RHEX: variants seen among roughly 807,000 people sequenced by gnomAD.
The protein encoded by RHEX is regulator of hemoglobinization and erythroid cell expansion.
A neutral mutation model predicts 20.1 loss-of-function variants in RHEX; 18 were observed. That is an observed-to-expected ratio of 0.90 (90% CI 0.62 to 1.33). RHEX has a LOEUF of 1.33. Ranked by LOEUF, RHEX falls within the 40% of genes most tolerant of loss-of-function variation. The probability of loss-of-function intolerance (pLI) is 0.00; values close to 1 mark genes in which losing one functional copy is unlikely to be tolerated. For synonymous variants in RHEX, 87 were observed against 77.1 expected, an observed-to-expected ratio of 1.13 and a Z score of -0.67; for missense variants, 192 against 214.3, an observed-to-expected ratio of 0.90 and a Z score of 0.65.
intron 4 of RHEX, 56 bp downstream of exon 4, chr1:206,099,854 A>G: frequency 6.4e-7 from 1 of 1,566,022 alleles, no homozygotes; most frequent in South Asian, 1.2e-5. Flanking sequence ...CTCTCTCTGG[A>G]CACCCAGGAC....
In RHEX at chr1:206,099,832, G is replaced by T. The variant is rs781900746; in HGVS notation, c.256+34G>T. 53 of 1,606,840 alleles carry T rather than the reference G, an allele frequency of 3.3e-5. No individual in the cohort carries two copies. The highest frequency in any genetic ancestry group is 4.3e-5 in the Non-Finnish European group (50 of 1,175,440). ...GGGGTTGGAGGGAGAACTTGTCTAGGGACTAACTTTGCTCTCTCTGGACAC... is the reference window on the plus strand; with the variant it reads ...GGGGTTGGAGGGAGAACTTGTCTAGTGACTAACTTTGCTCTCTCTGGACAC... On this transcript the variant is annotated intron_variant, in intron 4 of 5. Transcript: ENST00000331555.
intron 3 of RHEX, among the ~76,000 whole-genome samples, chr1:206,099,057 G>C (rs1487090957): frequency 6.6e-6 from 1 of 152,164 alleles, no homozygotes; most frequent in Non-Finnish European, 1.5e-5. Flanking sequence ...AAGGAGGAAC[G>C]TGTTAGGCAC....
intron 1 of RHEX, among the ~76,000 whole-genome samples, chr1:206,090,202 C>CTTTTTTTTTTTTTTTTTTTT (rs59499927): frequency 8.9e-6 from 1 of 112,554 alleles, no homozygotes; most frequent in Non-Finnish European, 1.8e-5. Flanking sequence ...TCTTTTCTTT[C>CTTTTTTTTTTTTTTTTTTTT]TTTTTTTTTT....
At chr1:206,086,033 T>C (rs1553286379) in intron 1 of RHEX, among the ~76,000 whole-genome samples, 1 of 152,136 alleles carries the variant, frequency 6.6e-6, no homozygotes. Flanking sequence ...GTTGTCCTTT[T>C]CCCCATGATA....
chr1:206,078,807 T>TATA (rs1291668644), intron 1 of RHEX, among the ~76,000 whole-genome samples: 1 of 152,108 alleles, frequency 6.6e-6, no homozygotes, highest in Non-Finnish European at 1.5e-5. Flanking sequence ...AACAACTGTC[T>TATA]ATAGAGTGCT....
intron 1 of RHEX, among the ~76,000 whole-genome samples, chr1:206,077,874 G>A (rs1205050819): frequency 1.2e-4 from 18 of 152,158 alleles, no homozygotes; most frequent in Admixed American, 4.6e-4. Flanking sequence ...ACTTACCTGT[G>A]AATAAGTGGA....
intron 1 of RHEX, among the ~76,000 whole-genome samples, chr1:206,086,860 A>G (rs1662850759): frequency 6.6e-6 from 1 of 151,892 alleles, no homozygotes; most frequent in Admixed American, 6.6e-5. Flanking sequence ...TTAAAAAATT[A>G]GCCAGGCATG....
Position 206,101,203 on chromosome 1 carries a change from G to C in RHEX, c.318+6G>C. The C allele has an allele frequency of 6.2e-7, 1 of 1,608,036 alleles. No homozygotes were observed. Among genetic ancestry groups the C allele is most frequent in the Non-Finnish European group, 8.5e-7 (1 of 1,176,496 alleles). On this transcript the variant is annotated splice_donor_region_variant and intron_variant, in intron 5 of 5. Transcript: ENST00000331555. ...GTTCGCCTCCTGCCTGCCAGGTAAT[G>C]GATGTGCCTAGTGATCTCAGACGAA... is the stretch of plus-strand genomic sequence containing the variant.
intron 1 of RHEX, among the ~76,000 whole-genome samples, chr1:206,076,135 A>G (rs541173823): frequency 6.6e-6 from 1 of 152,264 alleles, no homozygotes; most frequent in African/African-American, 2.4e-5. Context: ...TGCTAACAAA[A>G]AAACATGGAT....
At chr1:206,077,073 C>T (rs1161681764) in intron 1 of RHEX, among the ~76,000 whole-genome samples, 2 of 152,156 alleles carry the variant, frequency 1.3e-5, no homozygotes, top group Non-Finnish European at 2.9e-5. Context: ...ATACATGCAT[C>T]GTGTCCACTC....
chr1:206,058,991 A>T (rs1008172641), intron 1 of RHEX, among the ~76,000 whole-genome samples: 1 of 152,000 alleles, frequency 6.6e-6, no homozygotes, highest in Non-Finnish European at 1.5e-5. Context: ...CTGCCTGCCC[A>T]GGATAGGTAC....
At position 206,071,764 on chromosome 1, in the gene RHEX, C is replaced by T. The variant is rs150978968; in HGVS notation, c.-97+18499C>T. Among the ~76,000 whole-genome samples, 9 of 151,078 alleles carry T rather than the reference C, an allele frequency of 6.0e-5. No homozygotes were observed. The East Asian group carries it at 1.8e-3, about 29-fold the overall frequency. ...CTAGGGAAGCTGAGGCAGGAGGATC[C>T]CTTGAGCCCAGGAGGCTGAGACTGC... On this transcript the variant is annotated intron_variant, in intron 1 of 5. Coordinates refer to ENST00000331555, the MANE Select transcript of RHEX (RefSeq NM_001007544.4).
intron 1 of RHEX, among the ~76,000 whole-genome samples, chr1:206,076,144 A>C (rs1662632189): frequency 6.6e-6 from 1 of 151,146 alleles, no homozygotes; most frequent in Non-Finnish European, 1.5e-5. Context: ...AAAAACATGG[A>C]TCACCAGGGA....
At chr1:206,058,039 A>G (rs1662229957) in intron 1 of RHEX, among the ~76,000 whole-genome samples, 1 of 152,258 alleles carries the variant, frequency 6.6e-6, no homozygotes, top group African/African-American at 2.4e-5. Flanking sequence ...ATTTGACCTT[A>G]CTAATTATTG....
rs782175735 is a variant in RHEX, at chr1:206,097,796, C to T, written c.-33C>T. On this transcript the variant is annotated 5_prime_UTR_variant, in exon 2 of 6. Coordinates refer to ENST00000331555, the MANE Select transcript of RHEX (RefSeq NM_001007544.4). ...GGTGCCAGGGTGGTTCCTGAAAGTG[C>T]CTGAGCCCCAACTTATCAGCAAGGA... 1.9e-6 allele frequency: 3 copies of T among 1,614,020 alleles called. No homozygotes were observed.
chr1:206,097,951 G>A (rs1663109232), intron 2 of RHEX, 112 bp downstream of exon 2: 3 of 1,165,936 alleles, frequency 2.6e-6, no homozygotes, highest in Non-Finnish European at 3.9e-6. Flanking sequence ...ATTGTCCAGA[G>A]AGGCAAAGGG....
intron 1 of RHEX, among the ~76,000 whole-genome samples, chr1:206,088,032 G>A (rs1662872333): frequency 6.6e-6 from 1 of 152,206 alleles, no homozygotes; most frequent in Non-Finnish European, 1.5e-5. Flanking sequence ...GGCTGAGGAA[G>A]ATCACTTGAG....
chr1:206,055,688 C>G (rs1021610226), intron 1 of RHEX, among the ~76,000 whole-genome samples: 2 of 152,258 alleles, frequency 1.3e-5, no homozygotes. Context: ...TTACACCCAA[C>G]AGCAATGAGC....
chr1:206,081,294 G>A (rs183531558), intron 1 of RHEX, among the ~76,000 whole-genome samples: 20 of 152,248 alleles, frequency 1.3e-4, no homozygotes, highest in Admixed American at 7.8e-4. Flanking sequence ...GCACAATCCC[G>A]GCTGGTGGGG....
Sources: gnomAD v4.1 joint callset for allele counts (sites outside exome capture counted in the v4.1 genomes callset) on GRCh38, gnomAD v4.1.1 for gene constraint, MANE v1.5 for transcripts, NCBI Gene and HGNC (gene_info 2026-07-23, HGNC 2026-07-21) for gene names.